Variants in NOL4L observed in about 807,000 individuals in gnomAD.
NOL4L encodes nucleolar protein 4-like.
In NOL4L, 7 loss-of-function variants were observed where a neutral mutation model predicts 64.5. The ratio of observed to expected loss-of-function variants is 0.11; its 90% CI spans 0.06 to 0.20. NOL4L has a LOEUF of 0.20. NOL4L is among the 10% of genes least tolerant of loss of function. The probability of loss-of-function intolerance (pLI) is 1.00; values close to 1 mark genes in which losing one functional copy is unlikely to be tolerated. For missense variants in NOL4L, 680 were observed against 967.1 expected (o/e 0.70, Z 3.94); for synonymous variants, 413 against 401.0 (o/e 1.03, Z -0.36).
At chr20:32,459,014 C>T (rs1251699206) in intron 5 of NOL4L, among the ~76,000 whole-genome samples, 3 of 152,242 alleles carry the variant, frequency 2.0e-5, no homozygotes, top group African/African-American at 4.8e-5. Context: ...GCTGTGCCCC[C>T]GGCTGCCTGG....
At chr20:32,555,021 T>C (rs1978561183) in intron 1 of NOL4L, among the ~76,000 whole-genome samples, 1 of 152,186 alleles carries the variant, frequency 6.6e-6, no homozygotes, top group Non-Finnish European at 1.5e-5. Context: ...GTGGCCTCCT[T>C]GGCCTCCTCT....
chr20:32,514,487 TC>T (rs1430281101), intron 3 of NOL4L, among the ~76,000 whole-genome samples: 1 of 150,218 alleles, frequency 6.7e-6, no homozygotes, highest in Non-Finnish European at 1.5e-5. Flanking sequence ...CAAGACTCCG[TC>T]CCAAGGAAAA....
chr20:32,488,839 CTTTCTTTCTTTCTTTCTT>C (rs1568648951), intron 4 of NOL4L, among the ~76,000 whole-genome samples: 1 of 58,874 alleles, frequency 1.7e-5, no homozygotes, highest in Non-Finnish European at 2.9e-5. Context: ...TTCTTTCTTT[CTTTCTTTCTTTCTTTCTT>C]TCTTTCTTTC....
chr20:32,583,412 G>A (rs1199358653), intron 1 of NOL4L, among the ~76,000 whole-genome samples: 1 of 148,854 alleles, frequency 6.7e-6, no homozygotes, highest in Admixed American at 6.6e-5. Context: ...CCGGGGACGG[G>A]GCTGAGCGCG....
At chr20:32,583,486 A>G (rs1437556534) in intron 1 of NOL4L, among the ~76,000 whole-genome samples, 1 of 107,958 alleles carries the variant, frequency 9.3e-6, no homozygotes, top group African/African-American at 3.6e-5. Context: ...GGAGGGAGGG[A>G]GGCCGGCGCG....
chr20:32,544,810 A>G (rs1390785870), intron 1 of NOL4L, among the ~76,000 whole-genome samples: 1 of 152,218 alleles, frequency 6.6e-6, no homozygotes, highest in African/African-American at 2.4e-5. Context: ...TTTGCTATCA[A>G]CAGCCTTGGT....
intron 1 of NOL4L, among the ~76,000 whole-genome samples, chr20:32,571,328 T>C (rs1415860697): frequency 6.6e-6 from 1 of 152,154 alleles, no homozygotes; most frequent in African/African-American, 2.4e-5. Flanking sequence ...GCTGGGATTA[T>C]AGGCGTGTGC....
chr20:32,499,863 T>C lies in NOL4L; in HGVS notation c.699+11484A>G, dbSNP rs964400984. ...ACAATTCCTACTAGATATTAAAACATATGATAAAGTTTTCACACTTAAAAC... is the reference window on the plus strand; with the variant it reads ...ACAATTCCTACTAGATATTAAAACACATGATAAAGTTTTCACACTTAAAAC... On this transcript the variant is annotated intron_variant, in intron 4 of 10. Coordinates refer to ENST00000621426, the MANE Select transcript of NOL4L (RefSeq NM_001256798.2). 6.0e-5 allele frequency among the ~76,000 whole-genome samples: 9 copies of C among 149,422 alleles called. No homozygotes were observed. The East Asian group carries it at 1.6e-3, about 26-fold the overall frequency.
chr20:32,531,764 A>G (rs2018355805), intron 1 of NOL4L, among the ~76,000 whole-genome samples: 1 of 152,158 alleles, frequency 6.6e-6, no homozygotes, highest in African/African-American at 2.4e-5. Flanking sequence ...GCACATACAG[A>G]CTTGGTTAAT....
intron 1 of NOL4L, chr20:32,548,830 T>G (rs1354211317): frequency 2.2e-6 from 1 of 452,000 alleles, no homozygotes; most frequent in South Asian, 1.6e-5. Flanking sequence ...AAATGTCCAT[T>G]AACAGGGGAC....
chr20:32,542,974 G>A (rs1297036948), intron 1 of NOL4L, among the ~76,000 whole-genome samples: 1 of 152,176 alleles, frequency 6.6e-6, no homozygotes, highest in Non-Finnish European at 1.5e-5. Flanking sequence ...AAAGCGCTGA[G>A]CACACAGCCG....
intron 4 of NOL4L, among the ~76,000 whole-genome samples, chr20:32,497,404 CTG>C (rs2016737211): frequency 6.6e-6 from 1 of 152,164 alleles, no homozygotes; most frequent in Admixed American, 6.5e-5. Flanking sequence ...TGCCAGGGGG[CTG>C]AGCTGCCTGA....
rs570187114 is a variant in NOL4L at position 32,540,898 on chromosome 20, A to T, written c.322-12985T>A. The stretch of plus-strand genomic sequence containing the variant: ...CCCAGCAGCTGGGGTCATCGCCCCC[A>T]TTCCTCAGATGAGGAAACCGAGGCT... On this transcript the variant is annotated intron_variant, in intron 1 of 10. Coordinates refer to ENST00000621426, the MANE Select transcript of NOL4L (RefSeq NM_001256798.2). Among the ~76,000 whole-genome samples, 14 of 151,920 alleles carry T rather than the reference A, an allele frequency of 9.2e-5. No homozygotes were observed. The East Asian group carries it at 2.7e-3, about 29-fold the overall frequency.
intron 4 of NOL4L, chr20:32,485,898 C>A: frequency 2.5e-6 from 1 of 392,468 alleles, no homozygotes; most frequent in Non-Finnish European, 5.3e-6. Context: ...AAGCCAAATA[C>A]AACTGAAGTT....
At chr20:32,493,854 T>C (rs909636927) in intron 4 of NOL4L, among the ~76,000 whole-genome samples, 9 of 152,270 alleles carry the variant, frequency 5.9e-5, no homozygotes, top group African/African-American at 2.2e-4. Flanking sequence ...CTACCCTGAC[T>C]GTTGCTTTCT....
At chr20:32,512,024 CA>C (rs1484535056) in intron 3 of NOL4L, among the ~76,000 whole-genome samples, 1 of 151,922 alleles carries the variant, frequency 6.6e-6, no homozygotes, top group Non-Finnish European at 1.5e-5. Context: ...AAAAAACAAA[CA>C]AAAAAACCCA....
chr20:32,550,916 C>T (rs190861681), intron 1 of NOL4L, among the ~76,000 whole-genome samples: 1 of 149,300 alleles, frequency 6.7e-6, no homozygotes, highest in African/African-American at 2.5e-5. Context: ...AAAAGTTAGG[C>T]GTGGTGGTGG....
At chr20:32,537,218 TC>T in intron 1 of NOL4L, 1 of 635,282 alleles carries the variant, frequency 1.6e-6, no homozygotes, top group Non-Finnish European at 2.0e-6. Flanking sequence ...CCTCTGCTGC[TC>T]CCCGCCCAAG....
rs11167170 is a variant in NOL4L at position 32,497,056 on chromosome 20, C to CAAAAA, written c.699+14286_699+14290dup. 1.1e-3 allele frequency among the ~76,000 whole-genome samples: 85 copies of CAAAAA among 76,676 alleles called. 2 individuals are homozygous for CAAAAA. The highest frequency in any genetic ancestry group is 3.5e-3 in the African/African-American group (63 of 18,186). The allele number at this position is 76,676 out of a possible 152,430, so 50.3% of individuals were successfully genotyped here. On this transcript the variant is annotated intron_variant, in intron 4 of 10. Transcript: ENST00000621426. ...AAGCAATACTGTGCCCTCCTACCCT[C>CAAAAA]AAAAAAAAAAAAAAAAAAAAAGCCC... is the stretch of plus-strand genomic sequence containing the variant.
Sources: gnomAD v4.1 joint callset for allele counts (sites outside exome capture counted in the v4.1 genomes callset) on GRCh38, gnomAD v4.1.1 for gene constraint, MANE v1.5 for transcripts, NCBI Gene and HGNC (gene_info 2026-07-23, HGNC 2026-07-21) for gene names.